The following TRPM3 variants were observed in gnomAD, a reference collection of about 807,000 sequenced individuals.
The protein encoded by TRPM3 is transient receptor potential cation channel subfamily M member 3, also known as long transient receptor potential channel 3.
TRPM3 carries 77 observed loss-of-function variants against 181.2 expected under a neutral mutation model. The ratio of observed to expected loss-of-function variants is 0.42; its 90% confidence interval spans 0.35 to 0.51. The LOEUF (loss-of-function observed/expected upper bound fraction) is 0.51, where lower values mean the gene tolerates loss of function less well. Ranked by LOEUF, TRPM3 falls within the 20% of genes least tolerant of loss-of-function variation. The pLI is 0.01. For missense variants in TRPM3, 1,759 were observed against 2,196.7 expected (o/e 0.80, Z 3.98); for synonymous variants, 745 against 796.4 (o/e 0.94, Z 1.09).
intron 1 of TRPM3, among the ~76,000 whole-genome samples, chr9:71,326,238 ATATT>A (rs2089671748): frequency 6.6e-6 from 1 of 152,204 alleles, no homozygotes; most frequent in African/African-American, 2.4e-5. Context: ...AAGAAAGATG[ATATT>A]TATTAATAAT....
chr9:70,580,488 C>A (rs1325253239), intron 22 of TRPM3, among the ~76,000 whole-genome samples: 1 of 152,110 alleles, frequency 6.6e-6, no homozygotes, highest in Non-Finnish European at 1.5e-5. Context: ...CAGACAAAAA[C>A]AATATGGTGT....
intron 8 of TRPM3, among the ~76,000 whole-genome samples, chr9:70,689,345 AAC>A (rs2067846890): frequency 6.6e-6 from 1 of 152,190 alleles, no homozygotes; most frequent in African/African-American, 2.4e-5. Flanking sequence ...TAGAATTTAT[AAC>A]ATATATAAGT....
intron 1 of TRPM3, among the ~76,000 whole-genome samples, chr9:71,411,508 CAA>C (rs1397534044): frequency 1.3e-5 from 2 of 152,140 alleles, no homozygotes; most frequent in Non-Finnish European, 2.9e-5. Flanking sequence ...ACAATTGCTT[CAA>C]AGAGAATAAA....
chr9:71,361,090 G>A (rs925419986), intron 1 of TRPM3, among the ~76,000 whole-genome samples: 1 of 152,156 alleles, frequency 6.6e-6, no homozygotes, highest in African/African-American at 2.4e-5. Context: ...GGGTTCAAGT[G>A]ATTTTCCTGC....
chr9:71,127,276 A>C (rs1439956303), intron 1 of TRPM3, among the ~76,000 whole-genome samples: 2 of 70,342 alleles, frequency 2.8e-5, no homozygotes, highest in Admixed American at 1.6e-4. Context: ...ATAGATTTTA[A>C]GTAATAGCTG....
chr9:71,432,367 C>G (rs1418039326), intron 1 of TRPM3, among the ~76,000 whole-genome samples: 2 of 100,876 alleles, frequency 2.0e-5, no homozygotes, highest in Non-Finnish European at 3.8e-5. Flanking sequence ...CTGGTTCCTT[C>G]TGCATACATT....
At chr9:71,162,222 A>T (rs1486096575) in intron 1 of TRPM3, among the ~76,000 whole-genome samples, 1 of 138,712 alleles carries the variant, frequency 7.2e-6, no homozygotes, top group East Asian at 2.1e-4. Flanking sequence ...AAAAAAAAAG[A>T]AGAAAAAGAA....
chr9:71,240,632 A>G (rs2081606774), intron 1 of TRPM3, among the ~76,000 whole-genome samples: 1 of 152,184 alleles, frequency 6.6e-6, no homozygotes, highest in South Asian at 2.1e-4. Flanking sequence ...AATAGCAACA[A>G]ATATATCTTC....
intron 1 of TRPM3, among the ~76,000 whole-genome samples, chr9:71,393,242 T>C (rs1056312895): frequency 6.6e-6 from 1 of 152,192 alleles, no homozygotes; most frequent in African/African-American, 2.4e-5. Context: ...AGGGAATGCA[T>C]AGAACGGAAG....
intron 1 of TRPM3, among the ~76,000 whole-genome samples, chr9:71,247,559 T>C (rs1031113380): frequency 2.0e-5 from 3 of 151,946 alleles, no homozygotes; most frequent in Non-Finnish European, 4.4e-5. Flanking sequence ...GGGGGGAATT[T>C]GCACTGGAAG....
intron 22 of TRPM3, among the ~76,000 whole-genome samples, chr9:70,558,126 G>C (rs1431489033): frequency 6.6e-6 from 1 of 152,092 alleles, no homozygotes; most frequent in Non-Finnish European, 1.5e-5. Context: ...GTTGAAACTA[G>C]TATAAAAGAG....
chr9:70,777,992 G>GACACAC (rs71367226), intron 7 of TRPM3, among the ~76,000 whole-genome samples: 1 of 135,282 alleles, frequency 7.4e-6, no homozygotes, highest in South Asian at 2.3e-4. Flanking sequence ...AACAGACACA[G>GACACAC]ACACACACAC....
chr9:70,738,400 A>G (rs886877948), intron 8 of TRPM3, among the ~76,000 whole-genome samples: 4 of 152,080 alleles, frequency 2.6e-5, no homozygotes, highest in African/African-American at 9.7e-5. Flanking sequence ...AAGTATAATA[A>G]TAAAAAAAAA....
Position 71,208,858 on chromosome 9 carries a change from C to G in TRPM3, c.183+237795G>C, listed in dbSNP as rs575563743. 4.6e-5 allele frequency among the ~76,000 whole-genome samples: 7 copies of G among 152,312 alleles called. No homozygotes were observed. In the East Asian group the frequency reaches 1.4e-3, roughly 29 times the overall value. On this transcript the variant is annotated intron_variant, in intron 1 of 24. Coordinates refer to the TRPM3 transcript ENST00000357533. Reference sequence around the variant, plus strand: ...GACACATAAACATAAAGGTAACCCTCTGTGCTTTTCAAATTATTATGAAGT... The same window carrying G: ...GACACATAAACATAAAGGTAACCCTGTGTGCTTTTCAAATTATTATGAAGT...
chr9:71,158,483 A>G (rs372097324), intron 1 of TRPM3, among the ~76,000 whole-genome samples: 1 of 152,290 alleles, frequency 6.6e-6, no homozygotes, highest in African/African-American at 2.4e-5. Flanking sequence ...TAATGTTCAA[A>G]GAGAGTTAAG....
chr9:71,234,530 T>C (rs1238743464), intron 1 of TRPM3, among the ~76,000 whole-genome samples: 1 of 152,126 alleles, frequency 6.6e-6, no homozygotes, highest in Admixed American at 6.5e-5. Flanking sequence ...AAAATCAAGG[T>C]GTTGGCAGCA....
At chr9:70,627,265 CTTTT>C (rs1175860330) in intron 12 of TRPM3, among the ~76,000 whole-genome samples, 81 of 79,582 alleles carry the variant, frequency 1.0e-3, no homozygotes, top group African/African-American at 3.6e-3. Context: ...TCCATTGCTG[CTTTT>C]TTTTTTTTTT....
At chr9:71,234,341 G>A (rs910416091) in intron 1 of TRPM3, among the ~76,000 whole-genome samples, 140 of 152,298 alleles carry the variant, frequency 9.2e-4, no homozygotes, top group African/African-American at 3.2e-3. Flanking sequence ...TCACACAAGG[G>A]TGGGCCTACA....
At chr9:71,337,340 G>A (rs1029424543) in intron 1 of TRPM3, among the ~76,000 whole-genome samples, 6 of 152,134 alleles carry the variant, frequency 3.9e-5, no homozygotes, top group African/African-American at 1.4e-4. Flanking sequence ...CATCATCACT[G>A]GTCATTAGAG....
Sources: allele counts gnomAD v4.1 joint callset (sites outside exome capture counted in the v4.1 genomes callset), GRCh38; gene constraint gnomAD v4.1.1; transcripts MANE v1.5; gene names NCBI Gene and HGNC (gene_info 2026-07-23, HGNC 2026-07-21).